AXDND1: variants seen among roughly 807,000 people sequenced by gnomAD.
AXDND1 encodes the protein axonemal dynein light chain domain-containing protein 1.
A neutral mutation model predicts 137.5 loss-of-function variants in AXDND1; 110 were observed. The ratio of observed to expected loss-of-function variants is 0.80; its 90% CI spans 0.69 to 0.94. AXDND1 has a LOEUF of 0.94. Among genes scored for constraint, AXDND1 ranks in the 40% least tolerant of loss-of-function variants. The probability of loss-of-function intolerance (pLI) is 0.00; values close to 1 mark genes in which losing one functional copy is unlikely to be tolerated. For missense variants in AXDND1, 1,191 were observed against 1,169.8 expected (o/e 1.02, Z -0.26); for synonymous variants, 414 against 399.7 (o/e 1.04, Z -0.43).
chr1:179,488,634 C>CTTCTTTCTTTCTTTCTTTCTTTCTTTTT (rs376189496), intron 18 of AXDND1, among the ~76,000 whole-genome samples: 3 of 105,172 alleles, frequency 2.9e-5, no homozygotes, highest in Admixed American at 9.8e-5. Flanking sequence ...CTCTCTCTCT[C>CTTCTTTCTTTCTTTCTTTCTTTCTTTTT]CTTTCTTTCT....
chr1:179,446,236 T>C (rs1462225140), intron 16 of AXDND1, among the ~76,000 whole-genome samples: 1 of 152,200 alleles, frequency 6.6e-6, no homozygotes, highest in Non-Finnish European at 1.5e-5. Context: ...TTTCTAAGGT[T>C]TCATACTACC....
At chr1:179,433,874 C>T (rs1379721738) in intron 15 of AXDND1, among the ~76,000 whole-genome samples, 1 of 152,196 alleles carries the variant, frequency 6.6e-6, no homozygotes, top group African/African-American at 2.4e-5. Flanking sequence ...ATTAGATCTA[C>T]TTGATCCAGA....
intron 9 of AXDND1, among the ~76,000 whole-genome samples, chr1:179,389,644 C>G (rs1199645187): frequency 6.6e-6 from 1 of 152,170 alleles, no homozygotes; most frequent in Admixed American, 6.5e-5. Context: ...AACTCCCACT[C>G]CATTTCTAAC....
chr1:179,469,075 G>A (rs1455192450), intron 17 of AXDND1, among the ~76,000 whole-genome samples: 2 of 151,858 alleles, frequency 1.3e-5, no homozygotes, highest in Non-Finnish European at 2.9e-5. Flanking sequence ...GACTACAGGC[G>A]CCTGCCACCA....
rs188075056 is a variant in AXDND1, at chr1:179,478,124, G to T, written c.1998-5004G>T. ...CAGGCTCCCTCCTGGCTGCTTTCAT[G>T]GGCTGGGGTTGAGTGTCTACGTGTT... On this transcript the variant is annotated intron_variant, in intron 17 of 25. Coordinates refer to ENST00000367618, the MANE Select transcript of AXDND1 (RefSeq NM_144696.6). 2.6e-5 allele frequency among the ~76,000 whole-genome samples: 4 copies of T among 152,288 alleles called. No individual in the cohort carries two copies. The East Asian group carries it at 7.7e-4, about 29-fold the overall frequency.
chr1:179,389,945 G>C (rs1030567408), intron 9 of AXDND1, among the ~76,000 whole-genome samples: 2 of 151,220 alleles, frequency 1.3e-5, no homozygotes, highest in Non-Finnish European at 2.9e-5. Flanking sequence ...ATGAATGAAA[G>C]ATTAAACGAC....
At chr1:179,474,704 A>G (rs545847320) in intron 17 of AXDND1, among the ~76,000 whole-genome samples, 2 of 152,318 alleles carry the variant, frequency 1.3e-5, no homozygotes, top group East Asian at 3.9e-4. Flanking sequence ...AAAGTTTGGA[A>G]AATTTGCAGC....
chr1:179,422,950 G>A (rs1308649472), intron 12 of AXDND1, among the ~76,000 whole-genome samples: 1 of 152,048 alleles, frequency 6.6e-6, no homozygotes, highest in Non-Finnish European at 1.5e-5. Context: ...TTTTAGTAGA[G>A]ACAGGGTTTC....
At chr1:179,377,310 T>C (rs1647431452) in intron 4 of AXDND1, among the ~76,000 whole-genome samples, 1 of 152,212 alleles carries the variant, frequency 6.6e-6, no homozygotes, top group South Asian at 2.1e-4. Context: ...TTTATTTGCT[T>C]TTTTCACTAT....
chr1:179,487,225 G>GT (rs1666178703), intron 18 of AXDND1, among the ~76,000 whole-genome samples: 1 of 148,360 alleles, frequency 6.7e-6, no homozygotes, highest in South Asian at 2.1e-4. Context: ...CTTATCTCCA[G>GT]TTTTTTTGTC....
chr1:179,531,454 G>A (rs1455885069), intron 23 of AXDND1, among the ~76,000 whole-genome samples: 2 of 152,070 alleles, frequency 1.3e-5, no homozygotes, highest in African/African-American at 4.8e-5. Context: ...CCATGCCCAG[G>A]AATGAGCCAA....
intron 16 of AXDND1, among the ~76,000 whole-genome samples, chr1:179,465,200 C>T (rs898438325): frequency 6.6e-6 from 1 of 152,174 alleles, no homozygotes; most frequent in African/African-American, 2.4e-5. Flanking sequence ...AAGAGATGCT[C>T]TGATTTTTAG....
chr1:179,388,927 G>A (rs904570330), intron 9 of AXDND1, among the ~76,000 whole-genome samples: 5 of 145,346 alleles, frequency 3.4e-5, no homozygotes, highest in Non-Finnish European at 4.5e-5. Context: ...TTGTTTCCAC[G>A]TTTGTCTCAT....
Position 179,509,379 on chromosome 1 carries a change from A to C in AXDND1, c.2472A>C (p.Glu824Asp), listed in dbSNP as rs768226959. The C allele has an allele frequency of 1.9e-6, 3 of 1,610,098 alleles. No individual in the cohort carries two copies. The highest frequency in any genetic ancestry group is 3.3e-5 in the Admixed American group (2 of 59,926). ...GAAAAATTACATTATTGACATATGAAGAAATAGAGCGGCTACTTGAAGAGG... is the reference window on the plus strand; with the variant it reads ...GAAAAATTACATTATTGACATATGACGAAATAGAGCGGCTACTTGAAGAGG... ...KGRKITLLTY[E>D]EIERLLEEEA... The change falls in exon 21 of 26, where the codon GAA becomes GAC. Residue 824 changes from glutamate to aspartate, a missense_variant. Glu to Asp is a conservative substitution (Grantham distance 45). Transcript: ENST00000367618.
At chr1:179,485,281 C>CA (rs1665904100) in intron 18 of AXDND1, among the ~76,000 whole-genome samples, 4 of 152,200 alleles carry the variant, frequency 2.6e-5, no homozygotes, top group African/African-American at 9.7e-5. Flanking sequence ...GCTGGCATCA[C>CA]CCATTGGAGT....
intron 15 of AXDND1, among the ~76,000 whole-genome samples, chr1:179,434,847 T>C (rs1007649808): frequency 3.3e-5 from 5 of 152,078 alleles, no homozygotes; most frequent in African/African-American, 1.2e-4. Context: ...GCCAGGACAA[T>C]CAGGCAAGAT....
intron 16 of AXDND1, chr1:179,447,640 C>T (rs1389887721): frequency 2.5e-5 from 33 of 1,300,632 alleles, no homozygotes; most frequent in Admixed American, 1.9e-4. Flanking sequence ...GATGACAACT[C>T]GAAGATCTGG....
At chr1:179,410,477 C>T (rs184582739) in intron 11 of AXDND1, among the ~76,000 whole-genome samples, 5 of 152,356 alleles carry the variant, frequency 3.3e-5, no homozygotes, top group African/African-American at 1.2e-4. Flanking sequence ...ATCTACCTGC[C>T]TCGGCCTCCC....
intron 21 of AXDND1, among the ~76,000 whole-genome samples, chr1:179,516,465 T>C (rs1485463921): frequency 6.6e-6 from 1 of 152,194 alleles, no homozygotes; most frequent in Non-Finnish European, 1.5e-5. Context: ...AAATCAGGGA[T>C]TTCTTCTTGG....
Sources: allele counts gnomAD v4.1 joint callset (sites outside exome capture counted in the v4.1 genomes callset), GRCh38; gene constraint gnomAD v4.1.1; transcripts MANE v1.5; gene names NCBI Gene and HGNC (gene_info 2026-07-23, HGNC 2026-07-21).